RELL1: variants seen among roughly 807,000 people sequenced by gnomAD.
RELL1 encodes the protein RELT-like protein 1.
In RELL1, 10 loss-of-function variants were observed where a neutral mutation model predicts 23.0. The ratio of observed to expected loss-of-function variants is 0.43; its 90% CI spans 0.27 to 0.74. The LOEUF (loss-of-function observed/expected upper bound fraction) is 0.74, where lower values mean the gene tolerates loss of function less well. Among genes scored for constraint, RELL1 ranks in the 30% least tolerant of loss-of-function variants. RELL1 has a pLI of 0.19. For synonymous variants in RELL1, 146 were observed against 146.8 expected, an observed-to-expected ratio of 0.99 and a Z score of 0.04; for missense variants, 315 against 364.4, an observed-to-expected ratio of 0.86 and a Z score of 1.10.
chr4:37,615,225 A>AT (rs1719537844), intron 6 of RELL1, among the ~76,000 whole-genome samples: 1 of 152,248 alleles, frequency 6.6e-6, no homozygotes, highest in South Asian at 2.1e-4. Context: ...TCTGCAGCTG[A>AT]TAAAAACTGC....
chr4:37,588,754 A>G (rs1718440721), downstream of RELL1: 2 of 904,334 alleles, frequency 2.2e-6, no homozygotes. Flanking sequence ...CTCTTAATAC[A>G]TTTTGAGTCT....
At chr4:37,641,289 A>G (rs1720524100) in intron 3 of RELL1, among the ~76,000 whole-genome samples, 1 of 152,180 alleles carries the variant, frequency 6.6e-6, no homozygotes, top group Non-Finnish European at 1.5e-5. Flanking sequence ...ATGTACACAC[A>G]TGCGTCCCTG....
At position 37,686,317 on chromosome 4, in the gene RELL1, G is replaced by GGC; in HGVS notation, c.-32_-31dup. The GGC allele has an allele frequency of 6.8e-7, 1 of 1,468,252 alleles. No individual in the cohort carries two copies. Among genetic ancestry groups the GGC allele is most frequent in the Non-Finnish European group, 9.0e-7 (1 of 1,112,968 alleles). The allele number at this position is 1,468,252 out of a possible 1,614,324, so 91.0% of individuals were successfully genotyped here. A position where few individuals can be genotyped will look rare whatever the true frequency, so the allele number is the denominator to read the frequency against. ...GCGTCGCTTCGCCCTCCTCCCCCAG[G>GGC]GCGCCGCGTCCCGCGCTCGGGAAGG... On this transcript the variant is annotated 5_prime_UTR_variant, in exon 1 of 7. Transcript: ENST00000454158.
chr4:37,674,789 G>A (rs559946370), intron 1 of RELL1, among the ~76,000 whole-genome samples: 1 of 152,340 alleles, frequency 6.6e-6, no homozygotes, highest in African/African-American at 2.4e-5. Context: ...AGGAATCTGA[G>A]AAAACCAGAT....
rs1245402430 is a variant in RELL1 at position 37,612,654 on chromosome 4, A to AC, written c.*691_*692insG. Among the ~76,000 whole-genome samples, 15 of 151,604 alleles carry AC rather than the reference A, an allele frequency of 9.9e-5. No individual in the cohort carries two copies. The highest frequency in any genetic ancestry group is 3.7e-4 in the African/African-American group (15 of 41,090). On this transcript the variant is annotated 3_prime_UTR_variant, in exon 7 of 7. Coordinates refer to ENST00000454158, the MANE Select transcript of RELL1 (RefSeq NM_001085400.2). Reference sequence around the variant, plus strand: ...TCTGCCTCAAAAAAAAAAAAAAAAAAACCTTCTCAAAATGTGTAAGTGCTG... The same window carrying AC: ...TCTGCCTCAAAAAAAAAAAAAAAAAACACCTTCTCAAAATGTGTAAGTGCTG...
At chr4:37,622,765 A>G in intron 6 of RELL1, 2 of 450,908 alleles carry the variant, frequency 4.4e-6, no homozygotes, top group South Asian at 3.1e-5. Flanking sequence ...AAACACAGCA[A>G]ACTGCCTGGC....
intron 6 of RELL1, among the ~76,000 whole-genome samples, chr4:37,600,269 CAAAAAA>C (rs33929317): frequency 9.0e-6 from 1 of 111,404 alleles, no homozygotes; most frequent in Non-Finnish European, 1.8e-5. Context: ...GACTCCATCT[CAAAAAA>C]AAAAAAAAAA....
At position 37,686,314 on chromosome 4, in the gene RELL1, C is replaced by T. The variant is rs772779172; in HGVS notation, c.-27G>A. 5 of 1,468,110 alleles carry T rather than the reference C, an allele frequency of 3.4e-6. No homozygotes were observed. In the African/African-American group the frequency reaches 4.4e-5, roughly 13 times the overall value. 90.9% of individuals were successfully genotyped at this position (1,468,110 alleles called of 1,614,324 possible). ...GCCGCGTCGCTTCGCCCTCCTCCCC[C>T]AGGGCGCCGCGTCCCGCGCTCGGGA... On this transcript the variant is annotated 5_prime_UTR_variant, in exon 1 of 7. Coordinates refer to ENST00000454158, the MANE Select transcript of RELL1 (RefSeq NM_001085400.2).
downstream of RELL1, chr4:37,588,565 C>T (rs893514153): frequency 5.7e-6 from 2 of 349,910 alleles, no homozygotes; most frequent in African/African-American, 2.0e-5. Context: ...CCTTCTTCTC[C>T]TCATCTGCAA....
At chr4:37,602,206 G>A (rs1457583109) in intron 6 of RELL1, among the ~76,000 whole-genome samples, 2 of 111,864 alleles carry the variant, frequency 1.8e-5, no homozygotes, top group African/African-American at 7.2e-5. Flanking sequence ...GACAGAGTGA[G>A]ACTCTGTCTC....
chr4:37,634,952 G>A lies in RELL1; in HGVS notation c.615C>T (p.Pro205=). The change falls in exon 5 of 7, where the codon CCC becomes CCT. Residue 205 remains proline (P), a synonymous_variant. Coordinates refer to ENST00000454158, the MANE Select transcript of RELL1 (RefSeq NM_001085400.2). ...CRHKRWHFIK[P]TNKSRESRPR... is the part of the protein sequence containing the mutation. ...GTCTGCTCTCTCTGGACTTGTTAGTGGGCTTTATAAAGTGCCACCGCTTGT... is the reference window on the plus strand; with the variant it reads ...GTCTGCTCTCTCTGGACTTGTTAGTAGGCTTTATAAAGTGCCACCGCTTGT... The A allele has an allele frequency of 1.9e-6, 3 of 1,614,236 alleles. No homozygotes were observed. Among genetic ancestry groups the A allele is most frequent in the African/African-American group, 1.3e-5 (1 of 75,056 alleles).
At chr4:37,643,421 T>A (rs1046027765) in intron 3 of RELL1, among the ~76,000 whole-genome samples, 2 of 152,208 alleles carry the variant, frequency 1.3e-5, no homozygotes, top group Non-Finnish European at 2.9e-5. Flanking sequence ...TATCACCCCA[T>A]TTGCCAAACT....
chr4:37,605,793 GAGAAAGAAAGAAAGAA>G (rs771797298), downstream of RELL1, among the ~76,000 whole-genome samples: 44 of 90,382 alleles, frequency 4.9e-4, no homozygotes, highest in African/African-American at 9.6e-4. Context: ...GAGAAAGAAA[GAGAAAGAAAGAAAGAA>G]AGAAAGAAAG....
Position 37,631,528 on chromosome 4 carries a change from G to C in RELL1, c.681-5C>G. 1 of 1,612,778 alleles carries C rather than the reference G, an allele frequency of 6.2e-7. No homozygotes were observed. The highest frequency in any genetic ancestry group is 8.5e-7 in the Non-Finnish European group (1 of 1,179,480). ...TCCACTTTTGTAACTCTAAATCTGA[G>C]GGGGGAATGGGGAGAGGTGATGGGG... On this transcript the variant is annotated splice_region_variant and splice_polypyrimidine_tract_variant and intron_variant, in intron 5 of 6. Coordinates refer to ENST00000454158, the MANE Select transcript of RELL1 (RefSeq NM_001085400.2).
In RELL1 at chr4:37,612,349, CA is replaced by C. The variant is rs1560328454; in HGVS notation, c.*996del. ...AAAAAAAAAAAAAAACAAAAAAAAA[CA>C]AAAAACCGGGTGCAGTGGCCCACGC... On this transcript the variant is annotated 3_prime_UTR_variant, in exon 7 of 7. Coordinates refer to ENST00000454158, the MANE Select transcript of RELL1 (RefSeq NM_001085400.2). 1.0e-5 allele frequency among the ~76,000 whole-genome samples: 1 copy of C among 99,636 alleles called. No homozygotes were observed. Among genetic ancestry groups the C allele is most frequent in the Non-Finnish European group, 2.2e-5 (1 of 45,522 alleles). The allele number at this position is 99,636 out of a possible 152,430, so 65.4% of individuals were successfully genotyped here.
At chr4:37,659,529 G>C (rs1721243839) in intron 1 of RELL1, among the ~76,000 whole-genome samples, 1 of 152,152 alleles carries the variant, frequency 6.6e-6, no homozygotes. Context: ...TTTTGGTCTA[G>C]ATTACCAAGA....
chr4:37,672,565 G>A (rs550157324), intron 1 of RELL1, among the ~76,000 whole-genome samples: 1 of 152,046 alleles, frequency 6.6e-6, no homozygotes, highest in African/African-American at 2.4e-5. Flanking sequence ...CTACCATATG[G>A]TTCATGCAAA....
chr4:37,636,904 G>A (rs1158899036), intron 4 of RELL1, among the ~76,000 whole-genome samples: 4 of 152,174 alleles, frequency 2.6e-5, no homozygotes, highest in Non-Finnish European at 5.9e-5. Flanking sequence ...TGAGGAGACC[G>A]CCTCAAACAT....
intron 1 of RELL1, among the ~76,000 whole-genome samples, chr4:37,669,340 G>T (rs550783173): frequency 7.6e-6 from 1 of 131,852 alleles, no homozygotes; most frequent in Admixed American, 7.4e-5. Flanking sequence ...CTGGCCAGCC[G>T]CTCCCTCCGG....
Sources: allele counts gnomAD v4.1 joint callset (sites outside exome capture counted in the v4.1 genomes callset), GRCh38; gene constraint gnomAD v4.1.1; transcripts MANE v1.5; gene names NCBI Gene and HGNC (gene_info 2026-07-23, HGNC 2026-07-21).